The following SLC35F4 variants were observed in gnomAD, a reference collection of about 807,000 sequenced individuals.
The protein encoded by SLC35F4 is solute carrier family 35 member F4.
SLC35F4 carries 24 observed loss-of-function variants against 44.2 expected under a neutral mutation model. The observed-to-expected ratio is 0.54, with a 90% confidence interval of 0.39 to 0.76. SLC35F4 has a LOEUF of 0.76. Ranked by LOEUF, SLC35F4 falls within the 30% of genes least tolerant of loss-of-function variation. SLC35F4 has a pLI of 0.00. For missense variants in SLC35F4, 562 were observed against 586.1 expected, an observed-to-expected ratio of 0.96 and a Z score of 0.42; for synonymous variants, 238 against 223.6, an observed-to-expected ratio of 1.06 and a Z score of -0.57.
chr14:57,616,715 C>A (rs1420514802), intron 1 of SLC35F4, among the ~76,000 whole-genome samples: 1 of 152,118 alleles, frequency 6.6e-6, no homozygotes, highest in Non-Finnish European at 1.5e-5. Context: ...TTACTTGTTG[C>A]TTTGGAGCAT....
At chr14:57,680,067 C>A (rs1423398677) in intron 1 of SLC35F4, among the ~76,000 whole-genome samples, 3 of 151,812 alleles carry the variant, frequency 2.0e-5, no homozygotes, top group Admixed American at 1.3e-4. Flanking sequence ...AGAGACCCAA[C>A]AAAAAAAGGA....
chr14:57,581,478 A>G, intron 3 of SLC35F4, 45 bp from the exon 4 acceptor site: 4 of 1,523,870 alleles, frequency 2.6e-6, no homozygotes, highest in Non-Finnish European at 3.6e-6. Flanking sequence ...TGATGGTGAC[A>G]CCTCTTGTCT....
intron 1 of SLC35F4, among the ~76,000 whole-genome samples, chr14:57,724,741 G>T (rs2076162684): frequency 6.6e-6 from 1 of 152,170 alleles, no homozygotes; most frequent in Non-Finnish European, 1.5e-5. Flanking sequence ...TTCACAGATG[G>T]TTCTGCACGA....
intron 1 of SLC35F4, among the ~76,000 whole-genome samples, chr14:57,640,379 A>T (rs981768171): frequency 6.6e-6 from 1 of 152,096 alleles, no homozygotes; most frequent in Non-Finnish European, 1.5e-5. Flanking sequence ...GAAAGGAAAA[A>T]GAAAATGTAT....
intron 1 of SLC35F4, among the ~76,000 whole-genome samples, chr14:57,733,376 A>AAG (rs1369300501): frequency 2.0e-5 from 3 of 151,504 alleles, no homozygotes; most frequent in South Asian, 2.1e-4. Flanking sequence ...AAAAAAAAAA[A>AAG]AAAAATCCCA....
rs1010970819 is a variant in SLC35F4, at chr14:57,957,310, G to T, written n.282+24603C>A. On this transcript the variant is annotated intron_variant and non_coding_transcript_variant, in intron 1 of 1. Transcript: ENST00000556568. ...GTCAGGGGGTAGGGGCTAGGGGAGG[G>T]ATAGCATTAGGAGAAATACCTAACG... Among the ~76,000 whole-genome samples the T allele has an allele frequency of 2.6e-5, 4 of 152,080 alleles. No homozygotes were observed. In the South Asian group the frequency reaches 8.3e-4, roughly 32 times the overall value.
chr14:57,923,145 T>G (rs1469593116), intron 1 of SLC35F4, among the ~76,000 whole-genome samples: 1 of 152,028 alleles, frequency 6.6e-6, no homozygotes, highest in East Asian at 1.9e-4. Context: ...GAATTCAAGG[T>G]TTTTTTTAAC....
intron 1 of SLC35F4, among the ~76,000 whole-genome samples, chr14:57,946,498 C>T (rs1308061749): frequency 1.6e-5 from 2 of 126,538 alleles, no homozygotes; most frequent in Non-Finnish European, 3.2e-5. Context: ...TTTTTGAGAC[C>T]GAGTCTCACT....
chr14:57,838,931 T>C (rs17093753), intron 1 of SLC35F4, among the ~76,000 whole-genome samples: 28,884 of 152,106 alleles, frequency 0.19, 2,910 homozygotes, highest in Admixed American at 0.26. Context: ...GGGACCATAT[T>C]TGAGGATGCC....
At chr14:57,887,439 G>A (rs1195162290) in intron 1 of SLC35F4, among the ~76,000 whole-genome samples, 9 of 152,118 alleles carry the variant, frequency 5.9e-5, no homozygotes, top group Admixed American at 1.3e-4. Flanking sequence ...TACTGAACCC[G>A]ATAAACGGGA....
intron 1 of SLC35F4, among the ~76,000 whole-genome samples, chr14:57,752,347 T>A (rs1489285050): frequency 1.3e-5 from 2 of 152,124 alleles, no homozygotes; most frequent in Non-Finnish European, 2.9e-5. Context: ...TAACACCCTC[T>A]CCACCCTCCC....
intron 1 of SLC35F4, among the ~76,000 whole-genome samples, chr14:57,924,414 G>A (rs1262842326): frequency 6.6e-6 from 1 of 151,852 alleles, no homozygotes; most frequent in Admixed American, 6.6e-5. Context: ...GGGTGATGGG[G>A]GCATGCCAGG....
In SLC35F4 at chr14:57,845,687, A is replaced by G. The variant is rs534975834; in HGVS notation, c.103+20036T>C. ...TCCCTAATAAGCTTTTATATGTCAG[A>G]AGCTGTATGTGCTGGGGTTTTACAT... is the stretch of plus-strand genomic sequence containing the variant. On this transcript the variant is annotated intron_variant, in intron 1 of 7. Coordinates refer to ENST00000556826, the MANE Select transcript of SLC35F4 (RefSeq NM_001306087.2). 7.9e-4 allele frequency among the ~76,000 whole-genome samples: 121 copies of G among 152,348 alleles called. No homozygotes were observed. In the South Asian group the frequency reaches 0.011, roughly 14 times the overall value.
At chr14:57,971,049 A>C (rs932996547) in intron 1 of SLC35F4, among the ~76,000 whole-genome samples, 1 of 152,212 alleles carries the variant, frequency 6.6e-6, no homozygotes, top group Non-Finnish European at 1.5e-5. Context: ...TGAGTTGCCA[A>C]ATTAATGGGT....
intron 3 of SLC35F4, among the ~76,000 whole-genome samples, chr14:57,587,631 G>A (rs760044324): frequency 1.7e-4 from 26 of 152,112 alleles, no homozygotes; most frequent in Non-Finnish European, 3.1e-4. Context: ...CAGAGGTGGC[G>A]GACTAGGGGA....
At chr14:57,873,390 A>C (rs564368183) in intron 1 of SLC35F4, among the ~76,000 whole-genome samples, 1 of 152,352 alleles carries the variant, frequency 6.6e-6, no homozygotes. Context: ...CACTGGTAAT[A>C]ATAAAATAAT....
chr14:57,824,644 C>T (rs1423993706), intron 1 of SLC35F4, among the ~76,000 whole-genome samples: 1 of 152,154 alleles, frequency 6.6e-6, no homozygotes, highest in Non-Finnish European at 1.5e-5. Flanking sequence ...GAGAGCCAGA[C>T]ATAGAGATAT....
At chr14:57,776,522 C>T (rs1354927796) in intron 1 of SLC35F4, among the ~76,000 whole-genome samples, 1 of 151,844 alleles carries the variant, frequency 6.6e-6, no homozygotes, top group Admixed American at 6.6e-5. Flanking sequence ...AAAAATTTGC[C>T]AGGAGTGGTG....
intron 1 of SLC35F4, among the ~76,000 whole-genome samples, chr14:57,667,516 G>C (rs2074355062): frequency 7.2e-6 from 1 of 139,232 alleles, no homozygotes; most frequent in Non-Finnish European, 1.5e-5. Context: ...CCCAGTGTGT[G>C]ATGTTCCCCT....
Sources: gnomAD v4.1 joint callset for allele counts (sites outside exome capture counted in the v4.1 genomes callset) on GRCh38, gnomAD v4.1.1 for gene constraint, MANE v1.5 for transcripts, NCBI Gene and HGNC (gene_info 2026-07-23, HGNC 2026-07-21) for gene names.